The following SMAP1 variants were observed in gnomAD, a reference collection of about 807,000 sequenced individuals.
The protein encoded by SMAP1 is stromal membrane-associated protein 1.
A neutral mutation model predicts 58.5 loss-of-function variants in SMAP1; 24 were observed. The ratio of observed to expected loss-of-function variants is 0.41; its 90% CI spans 0.30 to 0.58. The LOEUF (loss-of-function observed/expected upper bound fraction) is 0.58, where lower values mean the gene tolerates loss of function less well. Ranked by LOEUF, SMAP1 falls within the 20% of genes least tolerant of loss-of-function variation. The pLI is 0.29. For missense variants in SMAP1, 563 were observed against 566.3 expected (o/e 0.99, Z 0.06); for synonymous variants, 216 against 196.6 (o/e 1.10, Z -0.82).
At chr6:70,752,972 G>GTTAC (rs1185794222) in intron 2 of SMAP1, among the ~76,000 whole-genome samples, 6 of 151,748 alleles carry the variant, frequency 4.0e-5, no homozygotes, top group African/African-American at 1.5e-4. Flanking sequence ...AGATTTTAAT[G>GTTAC]TTACTATTTG....
chr6:70,749,561 A>G (rs966687619), intron 2 of SMAP1, among the ~76,000 whole-genome samples: 5 of 152,064 alleles, frequency 3.3e-5, no homozygotes, highest in African/African-American at 1.2e-4. Context: ...ATCATTTGCA[A>G]TATCTGCTTC....
At chr6:70,727,404 C>T (rs1283182020) in intron 1 of SMAP1, among the ~76,000 whole-genome samples, 1 of 152,198 alleles carries the variant, frequency 6.6e-6, no homozygotes, top group African/African-American at 2.4e-5. Flanking sequence ...CCACTGCGCC[C>T]AACCCACATA....
intron 2 of SMAP1, among the ~76,000 whole-genome samples, chr6:70,752,656 C>G (rs1245093663): frequency 6.6e-6 from 1 of 151,954 alleles, no homozygotes; most frequent in Non-Finnish European, 1.5e-5. Context: ...CCCAAAACAT[C>G]AGCTCCTGTT....
intron 5 of SMAP1, 67 bp from the exon 6 acceptor site, chr6:70,798,590 A>C: frequency 8.2e-7 from 1 of 1,215,348 alleles, no homozygotes; most frequent in South Asian, 1.6e-5. Context: ...TCAAACTAAT[A>C]AGGATGAGTC....
chr6:70,834,017 A>T (rs1161258888), intron 6 of SMAP1, among the ~76,000 whole-genome samples: 2 of 152,240 alleles, frequency 1.3e-5, no homozygotes, highest in East Asian at 3.8e-4. Context: ...CTTTTAGAAC[A>T]CAGATACATG....
At position 70,840,829 on chromosome 6, in the gene SMAP1, A is replaced by C. The variant is rs576648869; in HGVS notation, c.664+3801A>C. ...CCCCTCTTGACTAAGTGCCAGATTG[A>C]ATAATCTCTGAATGTACCAGATTTG... is the stretch of plus-strand genomic sequence containing the variant. On this transcript the variant is annotated intron_variant, in intron 7 of 10. Coordinates refer to ENST00000370455, the MANE Select transcript of SMAP1 (RefSeq NM_001044305.3). Among the ~76,000 whole-genome samples the C allele has an allele frequency of 2.0e-5, 3 of 152,366 alleles. No homozygotes were observed. The South Asian group carries it at 6.2e-4, about 32-fold the overall frequency.
intron 7 of SMAP1, among the ~76,000 whole-genome samples, chr6:70,843,680 A>G (rs1185771104): frequency 3.3e-5 from 5 of 152,248 alleles, no homozygotes; most frequent in African/African-American, 1.2e-4. Flanking sequence ...TCAAATCAAT[A>G]GATGGCAGTA....
Position 70,860,910 on chromosome 6 carries a change from T to G in SMAP1, c.*576T>G. The G allele has an allele frequency of 2.6e-6, 1 of 386,394 alleles. No individual in the cohort carries two copies. The highest frequency in any genetic ancestry group is 4.6e-6 in the Non-Finnish European group (1 of 218,294). 23.9% of individuals were successfully genotyped at this position (386,394 alleles called of 1,614,324 possible). On this transcript the variant is annotated 3_prime_UTR_variant, in exon 11 of 11. Coordinates refer to ENST00000370455, the MANE Select transcript of SMAP1 (RefSeq NM_001044305.3). ...ATAAACGTGGATGTTACTCCAAAAC[T>G]TCGTTTAATGAATGCTTAAAGAATT... is the stretch of plus-strand genomic sequence containing the variant.
chr6:70,713,378 T>A (rs1009883791), intron 1 of SMAP1, among the ~76,000 whole-genome samples: 23 of 152,178 alleles, frequency 1.5e-4, no homozygotes, highest in African/African-American at 5.3e-4. Context: ...AGATTTTTTT[T>A]AATGCAGACA....
At chr6:70,769,098 G>T (rs1472729867) in intron 3 of SMAP1, among the ~76,000 whole-genome samples, 2 of 152,156 alleles carry the variant, frequency 1.3e-5, no homozygotes, top group African/African-American at 2.4e-5. Context: ...TAGTTTGATT[G>T]CACTGTGGTC....
intron 1 of SMAP1, among the ~76,000 whole-genome samples, chr6:70,684,182 A>G (rs1766838197): frequency 6.6e-6 from 1 of 152,230 alleles, no homozygotes; most frequent in Non-Finnish European, 1.5e-5. Flanking sequence ...AAAATTTGGG[A>G]TATTTGTTGT....
intron 1 of SMAP1, among the ~76,000 whole-genome samples, chr6:70,687,842 C>T (rs1766995513): frequency 6.6e-6 from 1 of 152,000 alleles, no homozygotes; most frequent in South Asian, 2.1e-4. Context: ...TATTTTTATT[C>T]AATTTTATCA....
intron 6 of SMAP1, among the ~76,000 whole-genome samples, chr6:70,811,654 T>C (rs1190229894): frequency 6.6e-6 from 1 of 152,162 alleles, no homozygotes; most frequent in Non-Finnish European, 1.5e-5. Context: ...ATATAACTTA[T>C]TGCACATCCT....
intron 6 of SMAP1, among the ~76,000 whole-genome samples, chr6:70,801,690 T>A (rs1182583875): frequency 6.6e-6 from 1 of 152,228 alleles, no homozygotes; most frequent in African/African-American, 2.4e-5. Flanking sequence ...TTAATTTGCA[T>A]ATGAAGTGTA....
At position 70,800,357 on chromosome 6, in the gene SMAP1, T is replaced by G. The variant is rs189345335; in HGVS notation, c.576+1620T>G. ...CCTTTTCATAGGCCTGGTTCAGGTCTTTTGCCTATTTTTCTGTTGGATTGC... is the reference window on the plus strand; with the variant it reads ...CCTTTTCATAGGCCTGGTTCAGGTCGTTTGCCTATTTTTCTGTTGGATTGC... On this transcript the variant is annotated intron_variant, in intron 6 of 10. Coordinates refer to ENST00000370455, the MANE Select transcript of SMAP1 (RefSeq NM_001044305.3). Among the ~76,000 whole-genome samples, 403 of 152,210 alleles carry G rather than the reference T, an allele frequency of 2.6e-3. 2 individuals are homozygous for G. The highest frequency in any genetic ancestry group is 4.5e-3 in the Non-Finnish European group (309 of 68,004).
chr6:70,707,455 A>G lies in SMAP1; in HGVS notation c.119-24923A>G, dbSNP rs146192008. 4.2e-4 allele frequency among the ~76,000 whole-genome samples: 64 copies of G among 152,312 alleles called. 1 individual carries two copies. The East Asian group carries it at 0.012, about 28-fold the overall frequency. On this transcript the variant is annotated intron_variant, in intron 1 of 10. Coordinates refer to ENST00000370455, the MANE Select transcript of SMAP1 (RefSeq NM_001044305.3). ...TTGAGAGCATGATCTGTTAATTAAC[A>G]TAACAGTAAAGGTCTTTTACTGTTG...
chr6:70,837,126 C>A, intron 7 of SMAP1, 98 bp downstream of exon 7: 2 of 792,212 alleles, frequency 2.5e-6, no homozygotes, highest in Non-Finnish European at 3.7e-6. Context: ...TATGCCAAAA[C>A]GTACCTGTTA....
At chr6:70,690,915 C>T (rs971814975) in intron 1 of SMAP1, among the ~76,000 whole-genome samples, 2 of 151,248 alleles carry the variant, frequency 1.3e-5, no homozygotes, top group African/African-American at 4.9e-5. Flanking sequence ...TTGTATAGAA[C>T]TGACACTATT....
intron 1 of SMAP1, among the ~76,000 whole-genome samples, chr6:70,678,031 T>C (rs1218268093): frequency 1.3e-5 from 2 of 152,232 alleles, no homozygotes; most frequent in South Asian, 2.1e-4. Context: ...ATAGAAGTGA[T>C]TTTTAAAATT....
Sources: allele counts gnomAD v4.1 joint callset (sites outside exome capture counted in the v4.1 genomes callset), GRCh38; gene constraint gnomAD v4.1.1; transcripts MANE v1.5; gene names NCBI Gene and HGNC (gene_info 2026-07-23, HGNC 2026-07-21).